Variants in AGAP2 observed in about 807,000 individuals in gnomAD.
AGAP2 encodes the protein arf-GAP with GTPase, ANK repeat and PH domain-containing protein 2.
Under a neutral mutation model 110.9 loss-of-function variants are expected in AGAP2, and 32 were observed. The observed-to-expected ratio is 0.29, with a 90% confidence interval of 0.22 to 0.39. The LOEUF (loss-of-function observed/expected upper bound fraction) is 0.39, where lower values mean the gene tolerates loss of function less well. AGAP2 is among the 10% of genes least tolerant of loss of function. AGAP2 has a pLI of 1.00. For synonymous variants in AGAP2, 702 were observed against 713.0 expected (o/e 0.98, Z 0.25); for missense variants, 1,285 against 1,638.5 (o/e 0.78, Z 3.72).
At position 57,730,784 on chromosome 12, in the gene AGAP2, T is replaced by C; in HGVS notation, c.2308+7A>G. 1 of 1,613,778 alleles carries C rather than the reference T, an allele frequency of 6.2e-7. No individual in the cohort carries two copies. The highest frequency in any genetic ancestry group is 8.5e-7 in the Non-Finnish European group (1 of 1,180,024). On this transcript the variant is annotated splice_region_variant and intron_variant, in intron 11 of 18. Coordinates refer to ENST00000547588, the MANE Select transcript of AGAP2 (RefSeq NM_001122772.3). The stretch of plus-strand genomic sequence containing the variant: ...TCTTCTGCTCCTATGTCATAAACCT[T>C]ACTCACCCAGGCCTTCACCCATCTG...
At position 57,730,124 on chromosome 12, in the gene AGAP2, A is replaced by ATT. The variant is rs57705169; in HGVS notation, c.2429-359_2429-358dup. Among the ~76,000 whole-genome samples the ATT allele has an allele frequency of 5.8e-3, 873 of 151,278 alleles. 5 individuals carry two copies. The highest frequency in any genetic ancestry group is 8.3e-3 in the Non-Finnish European group (561 of 67,864). On this transcript the variant is annotated intron_variant, in intron 12 of 18. Coordinates refer to ENST00000547588, the MANE Select transcript of AGAP2 (RefSeq NM_001122772.3). The stretch of plus-strand genomic sequence containing the variant: ...TGTTATTTGCATACTATATATATAT[A>ATT]TTTTTTTTCAAACATGTCAAACATG...
At chr12:57,730,976 G>C (rs549223191) in intron 10 of AGAP2, 23 bp from the exon 11 acceptor site, 1 of 1,491,798 alleles carries the variant, frequency 6.7e-7, no homozygotes, top group African/African-American at 1.4e-5. Context: ...AGGGCCGAGA[G>C]TGTAGGGAAG....
chr12:57,734,178 C>G lies in AGAP2; in HGVS notation c.1402-5G>C, dbSNP rs367680966. On this transcript the variant is annotated splice_region_variant and splice_polypyrimidine_tract_variant and intron_variant, in intron 4 of 18. Coordinates refer to ENST00000547588, the MANE Select transcript of AGAP2 (RefSeq NM_001122772.3). Reference sequence around the variant, plus strand: ...AGCATCTGCCCAGCCTGAGAACTTGCGGGGAGTGAGGGAGCAAATGGAAAG... The same window carrying G: ...AGCATCTGCCCAGCCTGAGAACTTGGGGGGAGTGAGGGAGCAAATGGAAAG... 6.2e-7 allele frequency: 1 copy of G among 1,606,352 alleles called. No individual in the cohort carries two copies. The highest frequency in any genetic ancestry group is 8.5e-7 in the Non-Finnish European group (1 of 1,175,142).
chr12:57,738,144 A>G lies in AGAP2; in HGVS notation c.103T>C (p.Ser35Pro). 2.0e-6 allele frequency: 3 copies of G among 1,522,424 alleles called. No homozygotes were observed. Among genetic ancestry groups the G allele is most frequent in the Non-Finnish European group, 2.6e-6 (3 of 1,140,336 alleles). The allele number at this position is 1,522,424 out of a possible 1,614,324, so 94.3% of individuals were successfully genotyped here. A position where few individuals can be genotyped will look rare whatever the true frequency, so the allele number is the denominator to read the frequency against. The change falls in exon 1 of 19, where the codon TCT (serine) becomes CCT (proline). Residue 35 changes from serine (S) to proline (P), a missense_variant. Physicochemically the swap from Ser to Pro is moderately conservative, Grantham distance 74. Transcript: ENST00000547588. This position sits in a 1 kb window ranked among gnomAD's most constrained non-coding sequence, Gnocchi z 6.7. ...ESVPPPPPSPSAAAAGAAGAR... is the reference protein window; with the variant it reads ...ESVPPPPPSPPAAAAGAAGAR... ...CCGGCGGCGCCGGCCGCGGCCGCAG[A>G]CGGAGAAGGCGGCGGCGGAGGCACC... is the stretch of plus-strand genomic sequence containing the variant.
intron 13 of AGAP2, 67 bp from the exon 14 acceptor site, chr12:57,728,444 A>C: frequency 6.5e-7 from 1 of 1,534,460 alleles, no homozygotes; most frequent in Admixed American, 1.7e-5. Flanking sequence ...GAGACCAAGA[A>C]AGAAGGAGAA....
intron 3 of AGAP2, 65 bp from the exon 4 acceptor site, chr12:57,734,469 C>G: frequency 1.3e-6 from 2 of 1,594,152 alleles, no homozygotes; most frequent in East Asian, 4.5e-5. Context: ...TCCCCATGCT[C>G]CCAGTGCTTT....
In AGAP2 at chr12:57,731,615, G is replaced by A. The variant is rs1555198783; in HGVS notation, c.1981C>T (p.Arg661Ter). The A allele has an allele frequency of 6.2e-7, 1 of 1,613,948 alleles. No individual in the cohort carries two copies. Among genetic ancestry groups the A allele is most frequent in the South Asian group, 1.1e-5 (1 of 91,074 alleles). ...ANRRGSDSEK[R>*]SLDSRGETTG... is the part of the protein sequence containing the mutation. Reference sequence around the variant, plus strand: ...GTCTCTCCCCGACTATCCAAGCTTCGTTTCTCGGAGTCACTACCCCGACGA... The same window carrying A: ...GTCTCTCCCCGACTATCCAAGCTTCATTTCTCGGAGTCACTACCCCGACGA... The change falls in exon 9 of 19, where the codon CGA becomes TGA. Residue 661 changes from arginine (R) to a stop codon, truncating the protein, a stop_gained. Transcript: ENST00000547588. LOFTEE classifies it high-confidence loss of function.
intron 10 of AGAP2, 56 bp downstream of exon 10, chr12:57,731,310 G>T: frequency 7.1e-7 from 1 of 1,414,600 alleles, no homozygotes; most frequent in South Asian, 1.1e-5. Flanking sequence ...GCATAGACAG[G>T]TAGAACTTGA....
intron 13 of AGAP2, 50 bp downstream of exon 13, chr12:57,729,589 T>C: frequency 2.5e-6 from 4 of 1,584,050 alleles, no homozygotes; most frequent in Non-Finnish European, 3.4e-6. Context: ...GGAGCTGATG[T>C]TGGGGATGAG....
In AGAP2 at chr12:57,738,079, T is replaced by C. The variant is rs1464882835; in HGVS notation, c.168A>G (p.Arg56=). The stretch of plus-strand genomic sequence containing the variant: ...GCTTCTTGCCCGGCTCCTCCGCGCC[T>C]CGGGGGCTGCCAGGATCCCCAGTCT... ...GSETGDPGSP[R]GAEEPGKKRH... is the part of the protein sequence containing the mutation. Residue 56 remains arginine, a synonymous_variant, in exon 1 of 19, where the codon CGA becomes CGG. Transcript: ENST00000547588. This position sits in a 1 kb window ranked among gnomAD's most constrained non-coding sequence, Gnocchi z 6.7. The C allele has an allele frequency of 6.6e-7, 1 of 1,524,374 alleles. No homozygotes were observed. The allele number at this position is 1,524,374 out of a possible 1,614,324, so 94.4% of individuals were successfully genotyped here. A position where few individuals can be genotyped will look rare whatever the true frequency, so the allele number is the denominator to read the frequency against.
At chr12:57,735,527 C>T (rs567701715) in intron 1 of AGAP2, 100 bp from the exon 2 acceptor site, 236 of 1,124,516 alleles carry the variant, frequency 2.1e-4, no homozygotes, top group Non-Finnish European at 2.9e-4. Context: ...CAACCCCCCC[C>T]CAACCCTGCC....
At chr12:57,739,421 A>C (rs1415301172), upstream of AGAP2, among the ~76,000 whole-genome samples, 1 of 152,120 alleles carries the variant, frequency 6.6e-6, no homozygotes, top group Non-Finnish European at 1.5e-5. Flanking sequence ...CTTGAGCTCG[A>C]CTGTCCCAAA....
upstream of AGAP2, chr12:57,740,041 G>A (rs752903195): frequency 6.6e-6 from 1 of 152,274 alleles, no homozygotes; most frequent in Non-Finnish European, 1.5e-5. Context: ...GGTAAGATGG[G>A]CGAAGGAAGG....
intron 6 of AGAP2, 139 bp from the exon 7 acceptor site, chr12:57,732,651 C>T: frequency 7.6e-7 from 1 of 1,308,630 alleles, no homozygotes; most frequent in Non-Finnish European, 1.1e-6. Flanking sequence ...CACCTGTGGC[C>T]TTGCCAGCTC....
At chr12:57,736,247 C>G (rs1210083010) in intron 1 of AGAP2, among the ~76,000 whole-genome samples, 1 of 152,198 alleles carries the variant, frequency 6.6e-6, no homozygotes, top group Non-Finnish European at 1.5e-5. Context: ...CGCCTCCTCT[C>G]CCGGGAGTGT....
chr12:57,724,322 A>G (rs1249337778), downstream of AGAP2: 1 of 152,276 alleles, frequency 6.6e-6, no homozygotes, highest in Non-Finnish European at 1.5e-5. Context: ...AAGGTAGATA[A>G]CAACATATGG....
chr12:57,737,478 C>G lies in AGAP2; in HGVS notation c.769G>C (p.Gly257Arg). 1.2e-6 allele frequency: 2 copies of G among 1,609,062 alleles called. No individual in the cohort carries two copies. Among genetic ancestry groups the G allele is most frequent in the Non-Finnish European group, 1.7e-6 (2 of 1,177,918 alleles). Residue 257 changes from glycine to arginine, a missense_variant, in exon 1 of 19, where the codon GGG becomes CGG. Physicochemically the swap from Gly to Arg is moderately radical, Grantham distance 125. Coordinates refer to ENST00000547588, the MANE Select transcript of AGAP2 (RefSeq NM_001122772.3). This position sits in a 1 kb window ranked among gnomAD's most constrained non-coding sequence, Gnocchi z 5.9. ...GSTASTSGGV[G>R]AGAGARGKLS... ...TTCCCTCGGGCTCCAGCCCCAGCCC[C>G]GACCCCACCAGAGGTCGAAGCTGTA...
chr12:57,737,806 G>A lies in AGAP2; in HGVS notation c.441C>T (p.Ser147=). ...PTSSRRPLLS[S]PSWGGPEPEG... ...CGGGCTCCGGGCCGCCCCAGCTCGG[G>A]CTGCTGAGCAGGGGGCGCCGGGAGG... Residue 147 remains serine (S), a synonymous_variant, in exon 1 of 19, where the codon AGC becomes AGT. Coordinates refer to ENST00000547588, the MANE Select transcript of AGAP2 (RefSeq NM_001122772.3). The surrounding 1 kb of genome is among the most constrained non-coding windows in gnomAD (Gnocchi z 5.9). 6.6e-7 allele frequency: 1 copy of A among 1,523,028 alleles called. No individual in the cohort carries two copies. The allele number at this position is 1,523,028 out of a possible 1,614,324, so 94.3% of individuals were successfully genotyped here.
intron 7 of AGAP2, 121 bp downstream of exon 7, chr12:57,732,281 AC>A: frequency 2.1e-6 from 2 of 955,908 alleles, no homozygotes; most frequent in Non-Finnish European, 3.1e-6. Flanking sequence ...CAATAGTTTC[AC>A]TGCCATTTCC....
Sources: allele counts gnomAD v4.1 joint callset (sites outside exome capture counted in the v4.1 genomes callset), GRCh38; gene constraint gnomAD v4.1.1; non-coding constraint Gnocchi (gnomAD v3.1); transcripts MANE v1.5; gene names NCBI Gene and HGNC (gene_info 2026-07-23, HGNC 2026-07-21).